PTPRF: variants seen among roughly 807,000 people sequenced by gnomAD.
The protein encoded by PTPRF is receptor-type tyrosine-protein phosphatase F.
In PTPRF, 59 loss-of-function variants were observed where a neutral mutation model predicts 201.8. The ratio of observed to expected loss-of-function variants is 0.29; its 90% confidence interval spans 0.24 to 0.36. The LOEUF is 0.36. Among genes scored for constraint, PTPRF ranks in the 10% least tolerant of loss-of-function variants. The pLI, the probability that PTPRF is intolerant of heterozygous loss-of-function variation, is 1.00. For missense variants in PTPRF, 2,132 were observed against 2,690.5 expected, an observed-to-expected ratio of 0.79 and a Z score of 4.59; for synonymous variants, 1,088 against 1,089.7, an observed-to-expected ratio of 1.00 and a Z score of 0.03.
chr1:43,600,989 G>T (rs1246842812), intron 13 of PTPRF, among the ~76,000 whole-genome samples: 1 of 152,152 alleles, frequency 6.6e-6, no homozygotes, highest in Non-Finnish European at 1.5e-5. Context: ...AAGGAGACTG[G>T]AAGGGACGTG....
intron 22 of PTPRF, among the ~76,000 whole-genome samples, chr1:43,609,819 T>TG (rs1423299269): frequency 6.6e-6 from 1 of 152,168 alleles, no homozygotes; most frequent in Admixed American, 6.5e-5. Flanking sequence ...TGCCACAGGG[T>TG]GGCCAGTGTC....
rs1654234110 is a variant in PTPRF at position 43,603,309 on chromosome 1, C to T, written c.2341-107C>T. 4 of 978,798 alleles carry T rather than the reference C, an allele frequency of 4.1e-6. No individual in the cohort carries two copies. The highest frequency in any genetic ancestry group is 1.8e-5 in the Admixed American group (1 of 55,482). The allele number at this position is 978,798 out of a possible 1,614,324, so 60.6% of individuals were successfully genotyped here. A position where few individuals can be genotyped will look rare whatever the true frequency, so the allele number is the denominator to read the frequency against. The stretch of plus-strand genomic sequence containing the variant: ...AGCCCCACCTTCCACAACCCCTGGC[C>T]TTGTGTGCCCCGGGGCTCCCCTCAG... On this transcript the variant is annotated intron_variant, in intron 14 of 33. Transcript: ENST00000359947. This position sits in a 1 kb window ranked among gnomAD's most constrained non-coding sequence, Gnocchi z 5.8.
intron 8 of PTPRF, among the ~76,000 whole-genome samples, chr1:43,589,537 A>AT (rs1012139580): frequency 1.3e-5 from 2 of 151,978 alleles, no homozygotes; most frequent in African/African-American, 4.8e-5. Context: ...ACAGGCACAC[A>AT]TGTATTACAC....
At chr1:43,530,343 G>A (rs1468595149), upstream of PTPRF, among the ~76,000 whole-genome samples, 1 of 152,040 alleles carries the variant, frequency 6.6e-6, no homozygotes, top group Non-Finnish European at 1.5e-5. This position sits in a 1 kb window ranked among gnomAD's most constrained non-coding sequence, Gnocchi z 4.1. Flanking sequence ...GGGACTGGGG[G>A]CTGAGCATTA....
chr1:43,539,208 G>A (rs1644211623), intron 2 of PTPRF, among the ~76,000 whole-genome samples: 1 of 152,212 alleles, frequency 6.6e-6, no homozygotes, highest in Non-Finnish European at 1.5e-5. Context: ...CACAGTGGCA[G>A]TGAGGATGGA....
chr1:43,589,382 G>A (rs1249417448), intron 8 of PTPRF, among the ~76,000 whole-genome samples: 1 of 151,864 alleles, frequency 6.6e-6, no homozygotes, highest in Admixed American at 6.6e-5. Context: ...TGACAGAGCA[G>A]GGACTTAAAC....
chr1:43,617,519 G>A lies in PTPRF; in HGVS notation c.4146G>A (p.Ala1382=), dbSNP rs756106172. The change falls in exon 24 of 34, where the codon GCG becomes GCA. Residue 1382 remains alanine, a synonymous_variant. Transcript: ENST00000359947. The part of the protein sequence containing the change: ...LEVNKPKNRY[A]NVIAYDHSRV... The stretch of plus-strand genomic sequence containing the variant: ...TGAACAAGCCCAAGAACCGCTATGC[G>A]AATGTCATCGCCTACGACCACTCTC... 22 of 1,613,980 alleles carry A rather than the reference G, an allele frequency of 1.4e-5. No homozygotes were observed. Among genetic ancestry groups the A allele is most frequent in the Non-Finnish European group, 1.8e-5 (21 of 1,180,014 alleles).
chr1:43,580,121 A>G (rs1162799365), intron 7 of PTPRF: 1 of 150,950 alleles, frequency 6.6e-6, no homozygotes, highest in East Asian at 1.9e-4. Flanking sequence ...GAAAGCGGAC[A>G]TGGCTCCTTG....
intron 5 of PTPRF, among the ~76,000 whole-genome samples, chr1:43,566,776 A>G (rs558149332): frequency 3.9e-5 from 6 of 152,246 alleles, no homozygotes; most frequent in African/African-American, 1.4e-4. Flanking sequence ...CAGACTTCCG[A>G]GTGCTGCCTA....
At chr1:43,535,200 C>T (rs1643928830) in intron 1 of PTPRF, among the ~76,000 whole-genome samples, 2 of 152,100 alleles carry the variant, frequency 1.3e-5, no homozygotes, top group African/African-American at 4.8e-5. Flanking sequence ...GGGTGCCTGC[C>T]CCTATTGTTA....
intron 7 of PTPRF, among the ~76,000 whole-genome samples, chr1:43,584,984 T>A (rs1478094875): frequency 6.6e-6 from 1 of 152,230 alleles, no homozygotes; most frequent in African/African-American, 2.4e-5. Flanking sequence ...ACTTAAAAGT[T>A]ACAGCTGAAA....
chr1:43,550,219 A>G (rs1038446889), intron 3 of PTPRF, among the ~76,000 whole-genome samples: 3 of 152,170 alleles, frequency 2.0e-5, no homozygotes, highest in African/African-American at 7.2e-5. Context: ...TGCCTCCTCG[A>G]TAGCCCCAGG....
At chr1:43,593,512 T>C (rs1246204393) in intron 11 of PTPRF, among the ~76,000 whole-genome samples, 3 of 152,226 alleles carry the variant, frequency 2.0e-5, no homozygotes, top group Admixed American at 6.5e-5. Flanking sequence ...TGATAGGGTG[T>C]CATGGATGTG....
chr1:43,600,099 C>A (rs1000926221), intron 13 of PTPRF, among the ~76,000 whole-genome samples: 5 of 152,210 alleles, frequency 3.3e-5, no homozygotes, highest in African/African-American at 1.2e-4. Context: ...TGCTCTCTTC[C>A]CCCTCTCAGC....
At chr1:43,552,033 G>A (rs555915336) in intron 3 of PTPRF, among the ~76,000 whole-genome samples, 42 of 151,958 alleles carry the variant, frequency 2.8e-4, no homozygotes, top group Admixed American at 2.4e-3. Flanking sequence ...TCCCTTCTCT[G>A]CTGGATCAAC....
Position 43,620,905 on chromosome 1 carries a change from C to T in PTPRF, c.5432C>T (p.Thr1811Ile), listed in dbSNP as rs1370427192. The T allele has an allele frequency of 6.2e-7, 1 of 1,614,218 alleles. No homozygotes were observed. The highest frequency in any genetic ancestry group is 8.5e-7 in the Non-Finnish European group (1 of 1,180,026). Reference protein sequence around the residue: ...TDWPEQGVPKTGEGFIDFIGQ... With the variant: ...TDWPEQGVPKIGEGFIDFIGQ... ...TGGCCAGAGCAGGGCGTGCCCAAGA[C>T]AGGCGAGGGATTCATTGACTTCATC... Residue 1811 changes from threonine to isoleucine, a missense_variant, in exon 32 of 34, where the codon ACA becomes ATA. Around this residue, in one of 6 missense-constraint regions of PTPRF, gnomAD observed 519 missense variants for 659.5 expected, o/e 0.79. Transcript: ENST00000359947.
chr1:43,596,346 C>G (rs553806508), intron 11 of PTPRF, among the ~76,000 whole-genome samples: 2 of 152,214 alleles, frequency 1.3e-5, no homozygotes, highest in African/African-American at 4.8e-5. Flanking sequence ...GGAGAAAGTC[C>G]TGGAGATGAG....
At chr1:43,596,934 C>T (rs1053003906) in intron 11 of PTPRF, among the ~76,000 whole-genome samples, 2 of 151,834 alleles carry the variant, frequency 1.3e-5, no homozygotes, top group East Asian at 1.9e-4. Flanking sequence ...CACCAAGACA[C>T]GGGTATGTGA....
chr1:43,530,781 A>C (rs1243454517), upstream of PTPRF: 1 of 152,618 alleles, frequency 6.6e-6, no homozygotes. This position sits in a 1 kb window ranked among gnomAD's most constrained non-coding sequence, Gnocchi z 4.1. Flanking sequence ...TCTACGAGCG[A>C]GAGTGCACGA....
Sources: allele counts gnomAD v4.1 joint callset (sites outside exome capture counted in the v4.1 genomes callset), GRCh38; gene constraint gnomAD v4.1.1; regional missense constraint gnomAD v4.1.1; non-coding constraint Gnocchi (gnomAD v3.1); transcripts MANE v1.5; gene names NCBI Gene and HGNC (gene_info 2026-07-23, HGNC 2026-07-21).